GRIN2A: variants seen among roughly 807,000 people sequenced by gnomAD.
GRIN2A encodes the protein glutamate ionotropic receptor NMDA type subunit 2A.
A neutral mutation model predicts 113.4 loss-of-function variants in GRIN2A; 22 were observed. The observed-to-expected ratio is 0.19, with a 90% CI of 0.14 to 0.28. The LOEUF (loss-of-function observed/expected upper bound fraction) is 0.28. GRIN2A is among the 10% of genes least tolerant of loss of function. The probability of loss-of-function intolerance (pLI) is 1.00; values close to 1 mark genes in which losing one functional copy is unlikely to be tolerated. For synonymous variants in GRIN2A, 827 were observed against 738.4 expected, an observed-to-expected ratio of 1.12 and a Z score of -1.94; for missense variants, 1,502 against 1,887.0, an observed-to-expected ratio of 0.80 and a Z score of 3.78.
chr16:9,874,486 CCTT>C (rs749599127), intron 4 of GRIN2A, among the ~76,000 whole-genome samples: 4 of 152,142 alleles, frequency 2.6e-5, no homozygotes, highest in Non-Finnish European at 4.4e-5. Flanking sequence ...CTGTAATAGT[CCTT>C]CTTGCCAACG....
intron 2 of GRIN2A, among the ~76,000 whole-genome samples, chr16:9,982,877 T>C (rs910531965): frequency 4.3e-4 from 66 of 152,206 alleles, no homozygotes; most frequent in African/African-American, 1.6e-3. Flanking sequence ...GGAAAATAAT[T>C]TAAAAACCAA....
intron 3 of GRIN2A, among the ~76,000 whole-genome samples, chr16:9,900,168 G>A (rs929031196): frequency 2.0e-5 from 3 of 152,118 alleles, no homozygotes; most frequent in Non-Finnish European, 2.9e-5. Flanking sequence ...TAAAATTTGG[G>A]GTCAAAAGCT....
intron 3 of GRIN2A, among the ~76,000 whole-genome samples, chr16:9,909,688 T>C (rs527746176): frequency 1.3e-5 from 2 of 152,362 alleles, no homozygotes; most frequent in South Asian, 4.1e-4. Flanking sequence ...TTAAGTGTAT[T>C]TGAGATGGTA....
At chr16:10,071,813 C>T (rs13332018) in intron 2 of GRIN2A, among the ~76,000 whole-genome samples, 14,654 of 152,156 alleles carry the variant, frequency 0.096, 783 homozygotes, top group African/African-American at 0.11. Flanking sequence ...GGACGGGAGC[C>T]GACACCAGGC....
In GRIN2A at chr16:9,899,061, A is replaced by G. The variant is rs757029637; in HGVS notation, c.1008-7961T>C. On this transcript the variant is annotated intron_variant, in intron 3 of 12. Coordinates refer to ENST00000330684, the MANE Select transcript of GRIN2A (RefSeq NM_001134407.3). ...ACCTTCCTCTTTGCCCTGGTGCTCA[A>G]TTTCATATACAGTACTCATTGGTGG... Among the ~76,000 whole-genome samples the G allele has an allele frequency of 2.0e-5, 3 of 152,016 alleles. No individual in the cohort carries two copies. The East Asian group carries it at 5.8e-4, about 29-fold the overall frequency.
intron 10 of GRIN2A, among the ~76,000 whole-genome samples, chr16:9,806,895 C>G (rs569537065): frequency 3.9e-5 from 6 of 152,078 alleles, no homozygotes; most frequent in Admixed American, 3.9e-4. Flanking sequence ...TAATTCCCAC[C>G]TGTTGTGGGA....
intron 2 of GRIN2A, among the ~76,000 whole-genome samples, chr16:10,053,045 C>A (rs1402656389): frequency 2.0e-5 from 2 of 99,172 alleles, no homozygotes; most frequent in African/African-American, 8.3e-5. Flanking sequence ...AAGACTCCAT[C>A]TCAAAAAAAA....
At chr16:9,924,770 A>T (rs999404292) in intron 3 of GRIN2A, among the ~76,000 whole-genome samples, 6 of 151,996 alleles carry the variant, frequency 3.9e-5, no homozygotes, top group Non-Finnish European at 8.8e-5. Flanking sequence ...AAGTTCACTG[A>T]TTTTTTTCTT....
intron 4 of GRIN2A, among the ~76,000 whole-genome samples, chr16:9,868,864 C>T (rs1313071453): frequency 6.6e-6 from 1 of 152,208 alleles, no homozygotes; most frequent in African/African-American, 2.4e-5. Context: ...GCTACTCACC[C>T]TGCCCAGAAA....
chr16:9,881,535 A>G (rs1228053832), intron 4 of GRIN2A, among the ~76,000 whole-genome samples: 3 of 152,212 alleles, frequency 2.0e-5, no homozygotes, highest in Non-Finnish European at 4.4e-5. Flanking sequence ...AGGCCTTTAC[A>G]TCTTTCCCAA....
At chr16:10,015,622 GT>G (rs1419592606) in intron 2 of GRIN2A, among the ~76,000 whole-genome samples, 4 of 152,218 alleles carry the variant, frequency 2.6e-5, no homozygotes, top group Admixed American at 1.3e-4. Context: ...TCATTTGCAT[GT>G]ATATAACATT....
At chr16:10,127,047 C>A (rs2048954131) in intron 2 of GRIN2A, among the ~76,000 whole-genome samples, 1 of 152,160 alleles carries the variant, frequency 6.6e-6, no homozygotes, top group Non-Finnish European at 1.5e-5. Context: ...TAGCTCCATT[C>A]TTTTTAGTCT....
intron 2 of GRIN2A, among the ~76,000 whole-genome samples, chr16:10,133,015 G>A (rs1026327695): frequency 6.6e-6 from 1 of 152,072 alleles, no homozygotes; most frequent in African/African-American, 2.4e-5. Context: ...TGTTTCCATG[G>A]TCACATCTCC....
At chr16:9,788,595 C>G (rs1467333310) in intron 11 of GRIN2A, among the ~76,000 whole-genome samples, 8 of 151,802 alleles carry the variant, frequency 5.3e-5, no homozygotes, top group Admixed American at 5.3e-4. Flanking sequence ...TTACCACCTC[C>G]TTCTCCTTTT....
At position 9,840,684 on chromosome 16, in the gene GRIN2A, T is replaced by A. The variant is rs2141342242; in HGVS notation, c.1614A>T (p.Ser538=). The A allele has an allele frequency of 6.2e-7, 1 of 1,613,748 alleles. No individual in the cohort carries two copies. Among genetic ancestry groups the A allele is most frequent in the African/African-American group, 1.3e-5 (1 of 74,968 alleles). ...AAGGTGAGACGGTGCCATTACTTCT[T>A]GAAACCATGACACTGATTCCCGTTT... ...FVETGISVMV[S]RSNGTVSPSA... is the part of the protein sequence containing the mutation. The change falls in exon 7 of 13, where the codon TCA becomes TCT. Residue 538 remains serine, a synonymous_variant. Transcript: ENST00000330684.
At chr16:9,865,359 G>T (rs2043144982) in intron 4 of GRIN2A, among the ~76,000 whole-genome samples, 1 of 152,094 alleles carries the variant, frequency 6.6e-6, no homozygotes. Flanking sequence ...CAATTTGAGA[G>T]CCCTATGGAG....
At chr16:9,984,225 T>A (rs2045940968) in intron 2 of GRIN2A, among the ~76,000 whole-genome samples, 1 of 108,692 alleles carries the variant, frequency 9.2e-6, no homozygotes, top group Non-Finnish European at 2.0e-5. Context: ...CCATTTTTAA[T>A]CGGATTTTTT....
intron 11 of GRIN2A, among the ~76,000 whole-genome samples, chr16:9,777,937 C>A (rs577620739): frequency 6.6e-6 from 1 of 152,060 alleles, no homozygotes; most frequent in East Asian, 1.9e-4. Flanking sequence ...TGGTCGTGGG[C>A]GCCTGTAATC....
chr16:10,156,202 A>G (rs2049691797), intron 2 of GRIN2A, among the ~76,000 whole-genome samples: 1 of 152,212 alleles, frequency 6.6e-6, no homozygotes, highest in Non-Finnish European at 1.5e-5. Flanking sequence ...GCTATGCATG[A>G]GGTCAGCCAT....
Sources: allele counts gnomAD v4.1 joint callset (sites outside exome capture counted in the v4.1 genomes callset), GRCh38; gene constraint gnomAD v4.1.1; transcripts MANE v1.5; gene names NCBI Gene and HGNC (gene_info 2026-07-23, HGNC 2026-07-21).